Variants in SORCS3 observed in about 807,000 individuals in gnomAD.
SORCS3 encodes the protein VPS10 domain-containing receptor SorCS3.
Under a neutral mutation model 146.3 loss-of-function variants are expected in SORCS3, and 57 were observed. That is an observed-to-expected ratio of 0.39 (90% CI 0.31 to 0.49). SORCS3 has a LOEUF of 0.49. Among genes scored for constraint, SORCS3 ranks in the 20% least tolerant of loss-of-function variants. The pLI is 0.92. For synonymous variants in SORCS3, 653 were observed against 618.5 expected, an observed-to-expected ratio of 1.06 and a Z score of -0.83; for missense variants, 1,341 against 1,575.5, an observed-to-expected ratio of 0.85 and a Z score of 2.52.
chr10:104,995,377 C>G lies in SORCS3; in HGVS notation c.954+17884C>G, dbSNP rs571271434. On this transcript the variant is annotated intron_variant, in intron 4 of 26. Coordinates refer to ENST00000369701, the MANE Select transcript of SORCS3 (RefSeq NM_014978.3). Reference sequence around the variant, plus strand: ...GTTTCACCATGTTGGTCAGGCTGGTCTCAAACTCCTGACTTCGTGATCTGC... The same window carrying G: ...GTTTCACCATGTTGGTCAGGCTGGTGTCAAACTCCTGACTTCGTGATCTGC... 4.6e-5 allele frequency among the ~76,000 whole-genome samples: 7 copies of G among 152,222 alleles called. No homozygotes were observed. In the South Asian group the frequency reaches 1.5e-3, roughly 32 times the overall value.
chr10:104,762,734 C>T (rs74317294), intron 1 of SORCS3, among the ~76,000 whole-genome samples: 3 of 152,080 alleles, frequency 2.0e-5, no homozygotes, highest in African/African-American at 4.8e-5. Context: ...TTCACTTGCT[C>T]GCTCTCCTGG....
chr10:104,853,254 G>T (rs952457098), intron 2 of SORCS3, among the ~76,000 whole-genome samples: 9 of 152,184 alleles, frequency 5.9e-5, no homozygotes, highest in African/African-American at 2.2e-4. Flanking sequence ...AGCCAAGATT[G>T]CACCACTGCA....
intron 1 of SORCS3, among the ~76,000 whole-genome samples, chr10:104,792,666 C>T (rs1353989766): frequency 1.3e-5 from 2 of 152,150 alleles, no homozygotes; most frequent in African/African-American, 2.4e-5. Context: ...AATTCTTCTA[C>T]TTTACTATCA....
intron 3 of SORCS3, among the ~76,000 whole-genome samples, chr10:104,928,323 A>G (rs2019171123): frequency 6.6e-6 from 1 of 152,272 alleles, no homozygotes; most frequent in Middle Eastern, 3.4e-3. Flanking sequence ...CTCTCTTCTC[A>G]CATGCACTGC....
chr10:104,687,186 C>T (rs1038265250), intron 1 of SORCS3, among the ~76,000 whole-genome samples: 3 of 152,362 alleles, frequency 2.0e-5, no homozygotes, highest in South Asian at 2.1e-4. Context: ...CATCCCCTGT[C>T]CACCAAGGTG....
At chr10:104,778,076 A>G (rs2133489282) in intron 1 of SORCS3, among the ~76,000 whole-genome samples, 1 of 152,358 alleles carries the variant, frequency 6.6e-6, no homozygotes. Flanking sequence ...TATAGTTAAC[A>G]GTAATATATG....
chr10:104,777,442 G>T (rs2017322871), intron 1 of SORCS3, among the ~76,000 whole-genome samples: 1 of 152,220 alleles, frequency 6.6e-6, no homozygotes, highest in East Asian at 1.9e-4. Context: ...TCAGTGAGGG[G>T]TGTGAGCAGA....
Position 104,971,451 on chromosome 10 carries a change from A to G in SORCS3, c.796-5884A>G, listed in dbSNP as rs564894912. Reference sequence around the variant, plus strand: ...GGTGAGAAAGCAGAGTCAAGGATGCATCTTGGGCTTTTTGCTAAACATGGA... The same window carrying G: ...GGTGAGAAAGCAGAGTCAAGGATGCGTCTTGGGCTTTTTGCTAAACATGGA... On this transcript the variant is annotated intron_variant, in intron 3 of 26. Coordinates refer to ENST00000369701, the MANE Select transcript of SORCS3 (RefSeq NM_014978.3). 3.3e-5 allele frequency among the ~76,000 whole-genome samples: 5 copies of G among 152,366 alleles called. No homozygotes were observed. The South Asian group carries it at 1.0e-3, about 32-fold the overall frequency.
rs145943784 is a variant in SORCS3 at position 105,060,007 on chromosome 10, G to A, written c.1028+16879G>A. Among the ~76,000 whole-genome samples the A allele has an allele frequency of 4.2e-4, 64 of 152,336 alleles. No individual in the cohort carries two copies. The East Asian group carries it at 0.011, about 27-fold the overall frequency. On this transcript the variant is annotated intron_variant, in intron 5 of 26. Transcript: ENST00000369701. Reference sequence around the variant, plus strand: ...ATGCAGCAAAAGCTAAGCTGATACAGTAGGACAAAGACAAGTTGAGACAAC... The same window carrying A: ...ATGCAGCAAAAGCTAAGCTGATACAATAGGACAAAGACAAGTTGAGACAAC...
At chr10:105,175,594 G>A (rs1002653070) in intron 13 of SORCS3, among the ~76,000 whole-genome samples, 2 of 152,172 alleles carry the variant, frequency 1.3e-5, no homozygotes, top group African/African-American at 2.4e-5. Context: ...CGGACTACAT[G>A]GTAAGAAAAG....
chr10:104,997,315 A>G (rs532833365), intron 4 of SORCS3, among the ~76,000 whole-genome samples: 1 of 152,332 alleles, frequency 6.6e-6, no homozygotes, highest in South Asian at 2.1e-4. Context: ...TGAACTAACC[A>G]TTGAAAACCT....
rs77261830 is a variant in SORCS3 at position 104,836,278 on chromosome 10, T to C, written c.628-6514T>C. ...TTGGACTTGTTAGTTCCAATACGGA[T>C]AATCTTGGAAGGCAGCAGGTTAAGG... is the stretch of plus-strand genomic sequence containing the variant. On this transcript the variant is annotated intron_variant, in intron 1 of 26. Transcript: ENST00000369701. 6.4e-3 allele frequency among the ~76,000 whole-genome samples: 979 copies of C among 152,246 alleles called. 8 individuals are homozygous for C. Among genetic ancestry groups the C allele is most frequent in the Admixed American group, 0.01 (156 of 15,294 alleles).
At chr10:104,894,542 A>G (rs1470453996) in intron 2 of SORCS3, among the ~76,000 whole-genome samples, 2 of 152,230 alleles carry the variant, frequency 1.3e-5, no homozygotes, top group Admixed American at 6.5e-5. Context: ...GTGGAGGAAT[A>G]TAAGCTAGGG....
At chr10:104,730,601 C>G (rs1225791248) in intron 1 of SORCS3, among the ~76,000 whole-genome samples, 1 of 152,166 alleles carries the variant, frequency 6.6e-6, no homozygotes, top group African/African-American at 2.4e-5. Context: ...TGAACAACTG[C>G]TATATTAGTC....
At chr10:104,854,940 A>G (rs72815660) in intron 2 of SORCS3, among the ~76,000 whole-genome samples, 4,251 of 152,256 alleles carry the variant, frequency 0.028, 77 homozygotes, top group South Asian at 0.065. Context: ...ATGTACGTCA[A>G]TTTGTTTAAC....
chr10:104,927,028 CTT>C (rs1462451663), intron 3 of SORCS3, among the ~76,000 whole-genome samples: 3 of 152,040 alleles, frequency 2.0e-5, no homozygotes, highest in African/African-American at 4.8e-5. Context: ...AAATTAGTCA[CTT>C]AGTGTACTTT....
chr10:104,797,524 C>T (rs2017570828), intron 1 of SORCS3, among the ~76,000 whole-genome samples: 1 of 151,662 alleles, frequency 6.6e-6, no homozygotes, highest in Non-Finnish European at 1.5e-5. Context: ...TTAAAAGAGA[C>T]AGTTCATAAA....
At chr10:104,994,457 C>T (rs1057120117) in intron 4 of SORCS3, among the ~76,000 whole-genome samples, 1 of 152,120 alleles carries the variant, frequency 6.6e-6, no homozygotes, top group Non-Finnish European at 1.5e-5. Flanking sequence ...GTATAATTGA[C>T]ACTCAGTAAC....
chr10:105,020,353 TG>T (rs916026950), intron 4 of SORCS3, among the ~76,000 whole-genome samples: 2 of 152,214 alleles, frequency 1.3e-5, no homozygotes, highest in African/African-American at 4.8e-5. Context: ...GGCTCTCCTT[TG>T]CTGTCAGGAT....
Sources: gnomAD v4.1 joint callset for allele counts (sites outside exome capture counted in the v4.1 genomes callset) on GRCh38, gnomAD v4.1.1 for gene constraint, MANE v1.5 for transcripts, NCBI Gene and HGNC (gene_info 2026-07-23, HGNC 2026-07-21) for gene names.